The following OTUD6A variants were observed in gnomAD, a reference collection of about 807,000 sequenced individuals.
OTUD6A encodes OTU deubiquitinase 6A.
For synonymous variants in OTUD6A, 138 were observed against 120.2 expected (o/e 1.15, Z -0.97); for missense variants, 209 against 268.2 (o/e 0.78, Z 1.54).
Position 70,063,583 on chromosome X carries a change from A to G in OTUD6A, c.*192A>G, listed in dbSNP as rs1023354765. The G allele has an allele frequency of 7.9e-6, 4 of 505,636 alleles. No homozygotes were observed. The highest frequency in any genetic ancestry group is 7.3e-5 in the African/African-American group (3 of 41,334). 41.7% of individuals were successfully genotyped at this position (505,636 alleles called of 1,213,427 possible). ...CAGGGTGGGAAACGAAATTCGAGGG[A>G]AATTCCCCGGAAATATGAGGGAAAT... On this transcript the variant is annotated 3_prime_UTR_variant, in exon 1 of 1. Coordinates refer to ENST00000338352, the MANE Select transcript of OTUD6A (RefSeq NM_207320.3).
In OTUD6A at chrX:70,063,411, C is replaced by T; in HGVS notation, c.*20C>T. On this transcript the variant is annotated 3_prime_UTR_variant, in exon 1 of 1. Coordinates refer to ENST00000338352, the MANE Select transcript of OTUD6A (RefSeq NM_207320.3). ...CTGTAGGCCCCAAGGCGCTGAGCAG[C>T]CCCGGGAAACTGTCGCCGTCGCCGC... The T allele has an allele frequency of 8.7e-7, 1 of 1,153,277 alleles. No individual in the cohort carries two copies. Among genetic ancestry groups the T allele is most frequent in the Non-Finnish European group, 1.2e-6 (1 of 865,655 alleles).
chrX:70,063,712 C>T lies in OTUD6A; in HGVS notation c.*321C>T, dbSNP rs2020463180. On this transcript the variant is annotated 3_prime_UTR_variant, in exon 1 of 1. Coordinates refer to ENST00000338352, the MANE Select transcript of OTUD6A (RefSeq NM_207320.3). ...CACCAACTAAGATTTGGTCATGTTG[C>T]GTATAACTTCACCACAAAAATGGAA... 5 of 224,556 alleles carry T rather than the reference C, an allele frequency of 2.2e-5. No homozygotes were observed. In the South Asian group the frequency reaches 5.7e-4, roughly 26 times the overall value. 18.5% of individuals were successfully genotyped at this position (224,556 alleles called of 1,213,427 possible).
At position 70,062,476 on chromosome X, in the gene OTUD6A, G is replaced by A. The variant is rs777363758; in HGVS notation, c.-49G>A. 30 of 1,167,364 alleles carry A rather than the reference G, an allele frequency of 2.6e-5. No individual in the cohort carries two copies. In the Admixed American group the frequency reaches 6.4e-4, roughly 25 times the overall value. On this transcript the variant is annotated 5_prime_UTR_variant, in exon 1 of 1. Coordinates refer to ENST00000338352, the MANE Select transcript of OTUD6A (RefSeq NM_207320.3). ...CAGGCTGAGGACTTCTGGTCTGTTC[G>A]GTACTTGAACTGCCAGCAAATTTCA...
chrX:70,063,272 G>A lies in OTUD6A; in HGVS notation c.748G>A (p.Val250Ile). Residue 250 changes from valine to isoleucine, a missense_variant, in exon 1 of 1, where the codon GTC (valine) becomes ATC (isoleucine). Val to Ile is a conservative substitution (Grantham distance 29, BLOSUM62 3). Transcript: ENST00000338352. ...SPTLIIGEEY[V>I]KKPIILVYLR... Reference sequence around the variant, plus strand: ...CACCTTGATCATCGGGGAGGAGTACGTCAAGAAGCCGATCATCCTGGTCTA... The same window carrying A: ...CACCTTGATCATCGGGGAGGAGTACATCAAGAAGCCGATCATCCTGGTCTA... The A allele has an allele frequency of 1.1e-5, 13 of 1,211,160 alleles. No individual in the cohort carries two copies. Among genetic ancestry groups the A allele is most frequent in the African/African-American group, 1.7e-5 (1 of 57,770 alleles).
Position 70,062,902 on chromosome X carries a change from C to CGAG in OTUD6A, c.388_390dup (p.Glu130dup). ...CGGAGCACCTGGCCGGCTTCAAGCGCGAGGAGGAGGAGAAGCTCGCCGCCA... is the reference window on the plus strand; with the variant it reads ...CGGAGCACCTGGCCGGCTTCAAGCGCGAGGAGGAGGAGGAGAAGCTCGCCGCCA... On this transcript the variant is annotated inframe_insertion, in exon 1 of 1. Transcript: ENST00000338352. 2 of 1,188,006 alleles carry CGAG rather than the reference C, an allele frequency of 1.7e-6. No homozygotes were observed. Among genetic ancestry groups the CGAG allele is most frequent in the Non-Finnish European group, 2.3e-6 (2 of 883,840 alleles).
chrX:70,062,674 C>CA lies in OTUD6A; in HGVS notation c.151dup (p.Met51AsnfsTer21). ...AGCAGTTGCTCCAAGACGTGGCCCG[C>CA]ATGGAGGCCGAGATGGCTCAGAAGC... On this transcript the variant is annotated frameshift_variant, in exon 1 of 1. Transcript: ENST00000338352. LOFTEE classifies it low-confidence loss of function (END_TRUNC). 8.3e-7 allele frequency: 1 copy of CA among 1,211,548 alleles called. No homozygotes were observed. Among genetic ancestry groups the CA allele is most frequent in the Non-Finnish European group, 1.1e-6 (1 of 895,402 alleles).
chrX:70,063,241 C>G lies in OTUD6A; in HGVS notation c.717C>G (p.Asp239Glu). ...CCCCCATCGAGGTGATCCAGGCCGA[C>G]TCGCCCACCTTGATCATCGGGGAGG... ...LKTPIEVIQA[D>E]SPTLIIGEEY... The change falls in exon 1 of 1, where the codon GAC becomes GAG. Residue 239 changes from aspartate (D) to glutamate (E), a missense_variant. Coordinates refer to ENST00000338352, the MANE Select transcript of OTUD6A (RefSeq NM_207320.3). The G allele has an allele frequency of 2.5e-6, 3 of 1,211,663 alleles. No individual in the cohort carries two copies. The highest frequency in any genetic ancestry group is 3.3e-6 in the Non-Finnish European group (3 of 895,589).
At position 70,063,026 on chromosome X, in the gene OTUD6A, G is replaced by C; in HGVS notation, c.502G>C (p.Glu168Gln). 1 of 1,211,664 alleles carries C rather than the reference G, an allele frequency of 8.3e-7. No individual in the cohort carries two copies. Among genetic ancestry groups the C allele is most frequent in the Non-Finnish European group, 1.1e-6 (1 of 895,477 alleles). ...CCAGCTGGTGTTCAGCGTGTCTGTG[G>C]AGATGCTGCGCTGCCGCACCGCCAG... ...QDQLVFSVSV[E>Q]MLRCRTASYM... is the part of the protein sequence containing the mutation. Residue 168 changes from glutamate (E) to glutamine (Q), a missense_variant, in exon 1 of 1, where the codon GAG becomes CAG. Transcript: ENST00000338352.
chrX:70,063,412 C>G lies in OTUD6A; in HGVS notation c.*21C>G. The G allele has an allele frequency of 8.7e-7, 1 of 1,153,849 alleles. No homozygotes were observed. Among genetic ancestry groups the G allele is most frequent in the Non-Finnish European group, 1.2e-6 (1 of 865,855 alleles). ...TGTAGGCCCCAAGGCGCTGAGCAGC[C>G]CCGGGAAACTGTCGCCGTCGCCGCA... On this transcript the variant is annotated 3_prime_UTR_variant, in exon 1 of 1. Transcript: ENST00000338352.
Position 70,064,050 on chromosome X carries a change from G to A in OTUD6A, c.*659G>A, listed in dbSNP as rs1285532008. 2 of 111,448 alleles carry A rather than the reference G, an allele frequency of 1.8e-5. No homozygotes were observed. Among genetic ancestry groups the A allele is most frequent in the East Asian group, 5.7e-4 (2 of 3,520 alleles). 9.2% of individuals were successfully genotyped at this position (111,448 alleles called of 1,213,427 possible). A position where few individuals can be genotyped will look rare whatever the true frequency, so the allele number is the denominator to read the frequency against. The stretch of plus-strand genomic sequence containing the variant: ...TGAAAAATTAGCCAGGCAGGTTGGC[G>A]GGGGCCTGTAATCCTAGCTACTTGG... On this transcript the variant is annotated 3_prime_UTR_variant, in exon 1 of 1. Transcript: ENST00000338352.
At position 70,062,483 on chromosome X, in the gene OTUD6A, G is replaced by T; in HGVS notation, c.-42G>T. The T allele has an allele frequency of 8.5e-7, 1 of 1,180,717 alleles. No individual in the cohort carries two copies. The highest frequency in any genetic ancestry group is 1.1e-6 in the Non-Finnish European group (1 of 879,487). On this transcript the variant is annotated 5_prime_UTR_variant, in exon 1 of 1. Coordinates refer to ENST00000338352, the MANE Select transcript of OTUD6A (RefSeq NM_207320.3). ...AGGACTTCTGGTCTGTTCGGTACTT[G>T]AACTGCCAGCAAATTTCAACTCCCG...
chrX:70,063,446 G>A lies in OTUD6A; in HGVS notation c.*55G>A, dbSNP rs1476609724. 7.4e-6 allele frequency: 8 copies of A among 1,086,141 alleles called. No individual in the cohort carries two copies. Among genetic ancestry groups the A allele is most frequent in the Non-Finnish European group, 8.5e-6 (7 of 826,561 alleles). The allele number at this position is 1,086,141 out of a possible 1,213,427, so 89.5% of individuals were successfully genotyped here. A position where few individuals can be genotyped will look rare whatever the true frequency, so the allele number is the denominator to read the frequency against. Reference sequence around the variant, plus strand: ...CTGTCGCCGTCGCCGCATCTCCTCAGTAGGCTCAGTTTATTTTCCCCTTTT... The same window carrying A: ...CTGTCGCCGTCGCCGCATCTCCTCAATAGGCTCAGTTTATTTTCCCCTTTT... On this transcript the variant is annotated 3_prime_UTR_variant, in exon 1 of 1. Coordinates refer to ENST00000338352, the MANE Select transcript of OTUD6A (RefSeq NM_207320.3).
In OTUD6A at chrX:70,064,143, T is replaced by TGCACTCCA. The variant is rs1375514245; in HGVS notation, c.*756_*763dup. On this transcript the variant is annotated 3_prime_UTR_variant, in exon 1 of 1. Transcript: ENST00000338352. Reference sequence around the variant, plus strand: ...CTGCAGTGGGCCGGGATCGTACTACTGCACTCCAGCATGGAAGACAGCGAG... The same window carrying TGCACTCCA: ...CTGCAGTGGGCCGGGATCGTACTACTGCACTCCAGCACTCCAGCATGGAAGACAGCGAG... The TGCACTCCA allele has an allele frequency of 9.3e-6, 1 of 107,455 alleles. No individual in the cohort carries two copies. The highest frequency in any genetic ancestry group is 1.9e-5 in the Non-Finnish European group (1 of 52,008). 8.9% of individuals were successfully genotyped at this position (107,455 alleles called of 1,213,427 possible). A position where few individuals can be genotyped will look rare whatever the true frequency, so the allele number is the denominator to read the frequency against.
Position 70,062,550 on chromosome X carries a change from A to G in OTUD6A, c.26A>G (p.Gln9Arg). ...ATGGATGATCCGAAGAGTGAACAGC[A>G]GCGCATACTGCGCCGCCACCAACGC... is the stretch of plus-strand genomic sequence containing the variant. MDDPKSEQ[Q>R]RILRRHQRER... Residue 9 changes from glutamine to arginine, a missense_variant, in exon 1 of 1, where the codon CAG becomes CGG. By Grantham distance (43) the Gln-to-Arg change is conservative (BLOSUM62 1). Coordinates refer to ENST00000338352, the MANE Select transcript of OTUD6A (RefSeq NM_207320.3). The G allele has an allele frequency of 2.5e-6, 3 of 1,208,692 alleles. No homozygotes were observed. Among genetic ancestry groups the G allele is most frequent in the East Asian group, 3.0e-5 (1 of 33,795 alleles).
At position 70,063,370 on chromosome X, in the gene OTUD6A, C is replaced by T. The variant is rs1440683442; in HGVS notation, c.846C>T (p.Gly282=). The change falls in exon 1 of 1, where the codon GGC becomes GGT. Residue 282 remains glycine (G), a synonymous_variant. Coordinates refer to ENST00000338352, the MANE Select transcript of OTUD6A (RefSeq NM_207320.3). ...CGCTCGAGGCCGGCGCCGCCGGGGGCGTGCTCCCGCGTCTCCTGTAGGCCC... is the reference window on the plus strand; with the variant it reads ...CGCTCGAGGCCGGCGCCGCCGGGGGTGTGCTCCCGCGTCTCCTGTAGGCCC... ...VTPLEAGAAG[G]VLPRLL The T allele has an allele frequency of 9.2e-6, 11 of 1,189,470 alleles. No individual in the cohort carries two copies. Among genetic ancestry groups the T allele is most frequent in the Non-Finnish European group, 1.1e-5 (10 of 884,114 alleles).
Position 70,062,831 on chromosome X carries a change from T to C in OTUD6A, c.307T>C (p.Ser103Pro). 8.3e-7 allele frequency: 1 copy of C among 1,198,697 alleles called. No homozygotes were observed. ...CCACAGAAAGAGAGAAAGAATGGAG[T>C]CCGAGGAGAGGGAGCGCCAGGAGAG... ...KAHRKRERME[S>P]EERERQESIF... The change falls in exon 1 of 1, where the codon TCC becomes CCC. Residue 103 changes from serine (S) to proline (P), a missense_variant. Ser to Pro is a moderately conservative substitution (Grantham distance 74, BLOSUM62 -1). Transcript: ENST00000338352.
Position 70,063,939 on chromosome X carries a change from C to G in OTUD6A, c.*548C>G, listed in dbSNP as rs1356712066. ...TCGGGAGGCTAAGGCAGGAGAATCG[C>G]TTGACGGGAAGCGGAGGTTGCAGTG... On this transcript the variant is annotated 3_prime_UTR_variant, in exon 1 of 1. Transcript: ENST00000338352. 3 of 113,197 alleles carry G rather than the reference C, an allele frequency of 2.7e-5. No individual in the cohort carries two copies. Among genetic ancestry groups the G allele is most frequent in the Non-Finnish European group, 5.6e-5 (3 of 53,749 alleles). The allele number at this position is 113,197 out of a possible 1,213,427, so 9.3% of individuals were successfully genotyped here.
rs565992512 is a variant in OTUD6A at position 70,063,306 on chromosome X, A to G, written c.782A>G (p.Tyr261Cys). The part of the protein sequence containing the change: ...KKPIILVYLR[Y>C]AYSLGEHYNS... ...CCGATCATCCTGGTCTACCTGCGCT[A>G]TGCCTACAGCCTCGGCGAGCACTAC... is the stretch of plus-strand genomic sequence containing the variant. The change falls in exon 1 of 1, where the codon TAT becomes TGT. Residue 261 changes from tyrosine to cysteine, a missense_variant. By Grantham distance (194) the Tyr-to-Cys change is radical (BLOSUM62 -2). Coordinates refer to ENST00000338352, the MANE Select transcript of OTUD6A (RefSeq NM_207320.3). The G allele has an allele frequency of 2.5e-6, 3 of 1,209,141 alleles. No individual in the cohort carries two copies. The highest frequency in any genetic ancestry group is 1.7e-5 in the African/African-American group (1 of 57,239).
rs773350885 is a variant in OTUD6A, at chrX:70,063,415, G to C, written c.*24G>C. The stretch of plus-strand genomic sequence containing the variant: ...AGGCCCCAAGGCGCTGAGCAGCCCC[G>C]GGAAACTGTCGCCGTCGCCGCATCT... On this transcript the variant is annotated 3_prime_UTR_variant, in exon 1 of 1. Transcript: ENST00000338352. The C allele has an allele frequency of 2.7e-4, 305 of 1,150,625 alleles. No homozygotes were observed. The South Asian group carries it at 5.7e-3, about 21-fold the overall frequency. 94.8% of individuals were successfully genotyped at this position (1,150,625 alleles called of 1,213,427 possible). A position where few individuals can be genotyped will look rare whatever the true frequency, so the allele number is the denominator to read the frequency against.
Sources: gnomAD v4.1 joint callset for allele counts on GRCh38, gnomAD v4.1.1 for gene constraint, MANE v1.5 for transcripts, NCBI Gene and HGNC (gene_info 2026-07-23, HGNC 2026-07-21) for gene names.